Variants in CDK6 observed in about 807,000 individuals in gnomAD.
The protein encoded by CDK6 is cyclin-dependent kinase 6.
In CDK6, 6 loss-of-function variants were observed where a neutral mutation model predicts 37.1. The observed-to-expected ratio is 0.16, with a 90% CI of 0.09 to 0.32. CDK6 has a LOEUF of 0.32. Among genes scored for constraint, CDK6 ranks in the 10% least tolerant of loss-of-function variants. The probability of loss-of-function intolerance (pLI) is 1.00; values close to 1 mark genes in which losing one functional copy is unlikely to be tolerated. For synonymous variants in CDK6, 160 were observed against 161.3 expected, an observed-to-expected ratio of 0.99 and a Z score of 0.06; for missense variants, 224 against 418.9, an observed-to-expected ratio of 0.53 and a Z score of 4.06.
chr7:92,800,759 T>G (rs935444746), intron 2 of CDK6, among the ~76,000 whole-genome samples: 2 of 152,212 alleles, frequency 1.3e-5, no homozygotes, highest in Non-Finnish European at 2.9e-5. Context: ...GAATAAGATC[T>G]AATATGTAGC....
chr7:92,739,901 C>A (rs554380339), intron 3 of CDK6, among the ~76,000 whole-genome samples: 1 of 152,118 alleles, frequency 6.6e-6, no homozygotes, highest in Non-Finnish European at 1.5e-5. Flanking sequence ...ACTATAGGCA[C>A]ATGCCACTAT....
chr7:92,747,869 T>C (rs4729049), intron 3 of CDK6, among the ~76,000 whole-genome samples: 18,942 of 152,204 alleles, frequency 0.12, 1,364 homozygotes, highest in South Asian at 0.29. Flanking sequence ...TGTATTTCTT[T>C]GCTAGGTAGG....
intron 2 of CDK6, among the ~76,000 whole-genome samples, chr7:92,790,115 G>C (rs569727364): frequency 1.6e-4 from 24 of 152,198 alleles, no homozygotes; most frequent in African/African-American, 4.8e-4. Flanking sequence ...TTATCTCTTG[G>C]ACAACTTCAA....
intron 5 of CDK6, among the ~76,000 whole-genome samples, chr7:92,670,227 AC>A (rs1335045222): frequency 6.6e-6 from 1 of 152,202 alleles, no homozygotes; most frequent in African/African-American, 2.4e-5. Flanking sequence ...GAGGTTTGAC[AC>A]TATACTTGGC....
At chr7:92,796,675 CA>C (rs978249342) in intron 2 of CDK6, among the ~76,000 whole-genome samples, 2 of 151,108 alleles carry the variant, frequency 1.3e-5, no homozygotes, top group Admixed American at 6.6e-5. Flanking sequence ...TATCAAAATT[CA>C]AAAAAAACCC....
intron 2 of CDK6, among the ~76,000 whole-genome samples, chr7:92,786,932 C>T (rs1800156049): frequency 6.6e-6 from 1 of 151,664 alleles, no homozygotes; most frequent in South Asian, 2.1e-4. Flanking sequence ...CCCTGTAATC[C>T]CAGCACTCTG....
At chr7:92,729,599 A>G (rs533484009) in intron 3 of CDK6, among the ~76,000 whole-genome samples, 328 of 152,318 alleles carry the variant, frequency 2.2e-3, no homozygotes, top group South Asian at 7.5e-3. Context: ...GACCTTTCTG[A>G]ATACAAGAAA....
intron 5 of CDK6, among the ~76,000 whole-genome samples, chr7:92,630,071 A>G (rs1796018503): frequency 6.6e-6 from 1 of 152,080 alleles, no homozygotes; most frequent in Non-Finnish European, 1.5e-5. Context: ...TCAATGTAAG[A>G]ATTTTGGGAG....
chr7:92,755,930 A>T (rs1799307397), intron 3 of CDK6, among the ~76,000 whole-genome samples: 1 of 152,146 alleles, frequency 6.6e-6, no homozygotes, highest in African/African-American at 2.4e-5. Flanking sequence ...TGCACATACA[A>T]GTGCACATAC....
chr7:92,714,177 G>A lies in CDK6; in HGVS notation c.537+11449C>T, dbSNP rs550090411. ...AAATCAAAAGTGCACGGGAGGGTAG[G>A]TACTTAACTTTATCCTGGGGAGTTG... On this transcript the variant is annotated intron_variant, in intron 4 of 7. Transcript: ENST00000424848. 1.4e-4 allele frequency among the ~76,000 whole-genome samples: 21 copies of A among 152,320 alleles called. No individual in the cohort carries two copies. In the South Asian group the frequency reaches 3.3e-3, roughly 24 times the overall value.
At chr7:92,694,543 G>A (rs1372501384) in intron 4 of CDK6, among the ~76,000 whole-genome samples, 1 of 152,154 alleles carries the variant, frequency 6.6e-6, no homozygotes, top group Non-Finnish European at 1.5e-5. Context: ...AATTCCAGAA[G>A]AGCCTGTGAA....
chr7:92,651,550 G>A (rs1293859016), intron 5 of CDK6, among the ~76,000 whole-genome samples: 1 of 152,174 alleles, frequency 6.6e-6, no homozygotes, highest in Admixed American at 6.5e-5. Flanking sequence ...AAGATCAGAA[G>A]TGAGTTAGGG....
chr7:92,751,312 GAAGAA>G (rs1380880885), intron 3 of CDK6, among the ~76,000 whole-genome samples: 1 of 151,998 alleles, frequency 6.6e-6, no homozygotes, highest in Non-Finnish European at 1.5e-5. Context: ...GATATTTTAA[GAAGAA>G]AAGAAGTGTT....
rs1258633718 is a variant in CDK6 at position 92,612,047 on chromosome 7, CT to C, written c.*3092del. 8.6e-6 allele frequency: 2 copies of C among 232,720 alleles called. No individual in the cohort carries two copies. Among genetic ancestry groups the C allele is most frequent in the East Asian group, 6.1e-5 (1 of 16,518 alleles). The allele number at this position is 232,720 out of a possible 1,614,324, so 14.4% of individuals were successfully genotyped here. ...GAAATTGTATTTTTAAGATTAGGTC[CT>C]TTTTATTACCCTTTGCCATGGGATT... On this transcript the variant is annotated 3_prime_UTR_variant, in exon 8 of 8. Transcript: ENST00000424848.
chr7:92,745,292 ACATT>A (rs1035309914), intron 3 of CDK6, among the ~76,000 whole-genome samples: 3 of 152,240 alleles, frequency 2.0e-5, no homozygotes, highest in Non-Finnish European at 2.9e-5. Flanking sequence ...GAATTTCTTC[ACATT>A]CAGAGTCCTG....
chr7:92,780,617 C>T (rs1158842474), intron 2 of CDK6, among the ~76,000 whole-genome samples: 4 of 151,694 alleles, frequency 2.6e-5, no homozygotes, highest in Non-Finnish European at 5.9e-5. Context: ...AAAAATTAGC[C>T]GGGCGTGGTG....
At chr7:92,774,039 G>A (rs931957100) in intron 3 of CDK6, among the ~76,000 whole-genome samples, 3 of 152,136 alleles carry the variant, frequency 2.0e-5, no homozygotes, top group African/African-American at 7.2e-5. Flanking sequence ...AACTTTATCA[G>A]CAGCATTTTC....
rs190352053 is a variant in CDK6, at chr7:92,724,895, G to A, written c.537+731C>T. 30 of 428,194 alleles carry A rather than the reference G, an allele frequency of 7.0e-5. No individual in the cohort carries two copies. The Admixed American group carries it at 1.7e-3, about 25-fold the overall frequency. 26.5% of individuals were successfully genotyped at this position (428,194 alleles called of 1,614,324 possible). A position where few individuals can be genotyped will look rare whatever the true frequency, so the allele number is the denominator to read the frequency against. ...GAAGGGTATTAATACCTATTTCCAGGCTGCTCTTTTTGTATTTGGGGTGCA... is the reference window on the plus strand; with the variant it reads ...GAAGGGTATTAATACCTATTTCCAGACTGCTCTTTTTGTATTTGGGGTGCA... On this transcript the variant is annotated intron_variant, in intron 4 of 7. Coordinates refer to ENST00000424848, the MANE Select transcript of CDK6 (RefSeq NM_001145306.2).
chr7:92,704,941 T>C (rs979059595), intron 4 of CDK6, among the ~76,000 whole-genome samples: 1 of 152,248 alleles, frequency 6.6e-6, no homozygotes, highest in Non-Finnish European at 1.5e-5. Flanking sequence ...TATCATTTTA[T>C]GTTCCCTTCA....
Sources: gnomAD v4.1 joint callset for allele counts (sites outside exome capture counted in the v4.1 genomes callset) on GRCh38, gnomAD v4.1.1 for gene constraint, MANE v1.5 for transcripts, NCBI Gene and HGNC (gene_info 2026-07-23, HGNC 2026-07-21) for gene names.